IMMP2L: variants seen among roughly 807,000 people sequenced by gnomAD.
The protein encoded by IMMP2L is mitochondrial inner membrane protease subunit 2.
In IMMP2L, 18 loss-of-function variants were observed where a neutral mutation model predicts 19.3. The ratio of observed to expected loss-of-function variants is 0.93; its 90% CI spans 0.64 to 1.38. The LOEUF (loss-of-function observed/expected upper bound fraction) is 1.38, where lower values mean the gene tolerates loss of function less well. Ranked by LOEUF, IMMP2L falls within the 40% of genes most tolerant of loss-of-function variation. The pLI is 0.00. For missense variants in IMMP2L, 233 were observed against 218.2 expected (o/e 1.07, Z -0.43); for synonymous variants, 76 against 73.0 (o/e 1.04, Z -0.21).
At chr7:110,820,990 T>C (rs1009365995) in intron 5 of IMMP2L, among the ~76,000 whole-genome samples, 2 of 152,098 alleles carry the variant, frequency 1.3e-5, no homozygotes, top group South Asian at 2.1e-4. Flanking sequence ...CTGATGATGA[T>C]TGTAAAAATA....
chr7:110,838,708 C>A (rs1301711490), intron 5 of IMMP2L, among the ~76,000 whole-genome samples: 3 of 152,068 alleles, frequency 2.0e-5, no homozygotes, highest in African/African-American at 7.2e-5. Context: ...TAAATAAATT[C>A]CCTTTTAAAA....
At chr7:111,275,577 T>C (rs937370027) in intron 3 of IMMP2L, among the ~76,000 whole-genome samples, 5 of 152,142 alleles carry the variant, frequency 3.3e-5, no homozygotes, top group African/African-American at 1.2e-4. Context: ...GAGGTGTGCA[T>C]GAGTTATTCA....
chr7:110,844,664 G>T (rs1157660256), intron 5 of IMMP2L, among the ~76,000 whole-genome samples: 2 of 65,696 alleles, frequency 3.0e-5, no homozygotes, highest in Admixed American at 3.0e-4. Flanking sequence ...CAGAGTGGGA[G>T]ATAAAGCACT....
intron 3 of IMMP2L, among the ~76,000 whole-genome samples, chr7:111,202,571 C>A (rs1452134055): frequency 2.0e-5 from 3 of 152,174 alleles, no homozygotes; most frequent in Non-Finnish European, 4.4e-5. Flanking sequence ...TAGGTTGCTG[C>A]ACTCTAATGA....
chr7:111,230,247 A>G (rs1813573167), intron 3 of IMMP2L, among the ~76,000 whole-genome samples: 1 of 152,058 alleles, frequency 6.6e-6, no homozygotes, highest in Non-Finnish European at 1.5e-5. Context: ...CTTACAGCCA[A>G]TTTAATTAAT....
Position 111,443,038 on chromosome 7 carries a change from T to G in IMMP2L, c.239+44200A>C, listed in dbSNP as rs1304869482. Reference sequence around the variant, plus strand: ...TTCAGACATACTGAGGATTTTTCATTTGAGTTTTTCTTTCCAGAGCATGTA... The same window carrying G: ...TTCAGACATACTGAGGATTTTTCATGTGAGTTTTTCTTTCCAGAGCATGTA... On this transcript the variant is annotated intron_variant, in intron 3 of 5. Coordinates refer to ENST00000405709, the MANE Select transcript of IMMP2L (RefSeq NM_032549.4). Among the ~76,000 whole-genome samples, 2 of 151,946 alleles carry G rather than the reference T, an allele frequency of 1.3e-5. 1 individual carries two copies. Among genetic ancestry groups the G allele is most frequent in the African/African-American group, 4.9e-5 (2 of 41,216 alleles).
At chr7:111,281,140 CAGA>C (rs1819683078) in intron 3 of IMMP2L, among the ~76,000 whole-genome samples, 1 of 60,720 alleles carries the variant, frequency 1.6e-5, no homozygotes, top group Non-Finnish European at 3.4e-5. Context: ...GAGAGAAAGA[CAGA>C]AAGACAGAAA....
chr7:111,400,359 T>C (rs142298358), intron 3 of IMMP2L, among the ~76,000 whole-genome samples: 1 of 152,292 alleles, frequency 6.6e-6, no homozygotes, highest in East Asian at 1.9e-4. Flanking sequence ...CAGAAATCAG[T>C]AATTTCTTAG....
intron 5 of IMMP2L, among the ~76,000 whole-genome samples, chr7:110,746,528 C>T (rs776400533): frequency 4.6e-5 from 7 of 151,834 alleles, no homozygotes; most frequent in Admixed American, 2.0e-4. Flanking sequence ...ACAGCAAATG[C>T]AAAATAATGC....
chr7:111,059,556 G>A (rs1486301740), intron 3 of IMMP2L, among the ~76,000 whole-genome samples: 2 of 152,136 alleles, frequency 1.3e-5, no homozygotes, highest in African/African-American at 4.8e-5. Flanking sequence ...GAGGGGAGGG[G>A]TCTATGTTAT....
intron 5 of IMMP2L, among the ~76,000 whole-genome samples, chr7:110,789,888 T>C (rs746684425): frequency 3.3e-5 from 5 of 151,772 alleles, no homozygotes; most frequent in Admixed American, 6.6e-5. Flanking sequence ...TTTCATTTCC[T>C]CCAGGCTTCT....
At chr7:111,497,016 C>T (rs1843659872) in intron 2 of IMMP2L, among the ~76,000 whole-genome samples, 1 of 152,000 alleles carries the variant, frequency 6.6e-6, no homozygotes, top group African/African-American at 2.4e-5. Context: ...TAAAAGCAAG[C>T]CTGTAAAACT....
chr7:110,689,188 A>C (rs990079431), intron 5 of IMMP2L, among the ~76,000 whole-genome samples: 16 of 152,178 alleles, frequency 1.1e-4, no homozygotes, highest in Non-Finnish European at 1.9e-4. Context: ...AAAGCTTGCA[A>C]ACAATGGCTT....
At chr7:111,415,138 G>A (rs1415528680) in intron 3 of IMMP2L, among the ~76,000 whole-genome samples, 1 of 151,834 alleles carries the variant, frequency 6.6e-6, no homozygotes, top group South Asian at 2.1e-4. Flanking sequence ...AAGCTTGAGA[G>A]AGCTTTTCCT....
chr7:110,668,707 T>G (rs1268894792), intron 5 of IMMP2L, among the ~76,000 whole-genome samples: 1 of 152,188 alleles, frequency 6.6e-6, no homozygotes, highest in East Asian at 1.9e-4. Flanking sequence ...CAATGATGAA[T>G]GATGAGAATT....
chr7:111,420,186 A>G (rs1835353156), intron 3 of IMMP2L, among the ~76,000 whole-genome samples: 1 of 151,862 alleles, frequency 6.6e-6, no homozygotes, highest in Non-Finnish European at 1.5e-5. Context: ...TGAATTGAAA[A>G]GTGCTTCATT....
At chr7:110,965,142 T>C (rs937408091) in intron 3 of IMMP2L, among the ~76,000 whole-genome samples, 2 of 152,090 alleles carry the variant, frequency 1.3e-5, no homozygotes, top group African/African-American at 4.8e-5. Context: ...TTCCTGCCAA[T>C]AACATTTTAA....
At chr7:111,036,791 A>G (rs1791402350) in intron 3 of IMMP2L, among the ~76,000 whole-genome samples, 1 of 152,148 alleles carries the variant, frequency 6.6e-6, no homozygotes, top group Admixed American at 6.5e-5. Context: ...TGAGTTTTGG[A>G]TAGGTAAATA....
At chr7:111,418,719 A>C (rs1835181957) in intron 3 of IMMP2L, among the ~76,000 whole-genome samples, 1 of 151,378 alleles carries the variant, frequency 6.6e-6, no homozygotes, top group African/African-American at 2.4e-5. Flanking sequence ...TGACAATACC[A>C]ATTAATTTAA....
Sources: gnomAD v4.1 joint callset for allele counts (sites outside exome capture counted in the v4.1 genomes callset) on GRCh38, gnomAD v4.1.1 for gene constraint, MANE v1.5 for transcripts, NCBI Gene and HGNC (gene_info 2026-07-23, HGNC 2026-07-21) for gene names.